CNNM2: variants seen among roughly 807,000 people sequenced by gnomAD.
CNNM2 encodes the protein cyclin and CBS domain divalent metal cation transport mediator 2, also known as metal transporter CNNM2.
A neutral mutation model predicts 66.9 loss-of-function variants in CNNM2; 12 were observed. The ratio of observed to expected loss-of-function variants is 0.18; its 90% CI spans 0.11 to 0.29. The LOEUF is 0.29. CNNM2 is among the 10% of genes least tolerant of loss of function. CNNM2 has a pLI of 1.00. For missense variants in CNNM2, 705 were observed against 1,167.7 expected, an observed-to-expected ratio of 0.60 and a Z score of 5.77; for synonymous variants, 557 against 501.8, an observed-to-expected ratio of 1.11 and a Z score of -1.47.
At chr10:103,013,296 T>G (rs1211563406) in intron 1 of CNNM2, among the ~76,000 whole-genome samples, 1 of 152,154 alleles carries the variant, frequency 6.6e-6, no homozygotes, top group African/African-American at 2.4e-5. Context: ...ATGGGATAAA[T>G]AGTCTCTTCT....
intron 5 of CNNM2, among the ~76,000 whole-genome samples, chr10:103,070,916 C>T (rs1392077182): frequency 1.3e-5 from 2 of 151,830 alleles, no homozygotes; most frequent in African/African-American, 2.4e-5. Flanking sequence ...GGTGACAGAG[C>T]GAGAATCCAT....
chr10:102,940,011 C>A (rs150722469), intron 1 of CNNM2, among the ~76,000 whole-genome samples: 13 of 128,814 alleles, frequency 1.0e-4, no homozygotes, highest in Admixed American at 7.5e-4. Context: ...AAAAAAAAAA[C>A]CGCCATGTAG....
chr10:102,984,112 T>G (rs2063760275), intron 1 of CNNM2, among the ~76,000 whole-genome samples: 3 of 152,196 alleles, frequency 2.0e-5, no homozygotes, highest in Admixed American at 2.0e-4. Flanking sequence ...AGTAAATATT[T>G]TTTGAAAGAG....
At chr10:103,004,169 A>AT (rs2064180932) in intron 1 of CNNM2, among the ~76,000 whole-genome samples, 2 of 147,252 alleles carry the variant, frequency 1.4e-5, no homozygotes, top group Admixed American at 1.4e-4. Flanking sequence ...AGCCTGGCTA[A>AT]TTTTTTTGTA....
intron 1 of CNNM2, among the ~76,000 whole-genome samples, chr10:103,020,890 T>A (rs898341499): frequency 6.6e-6 from 1 of 152,086 alleles, no homozygotes; most frequent in Admixed American, 6.5e-5. Context: ...AGGTATTGGC[T>A]GGAGAGGGGA....
chr10:102,995,856 C>G (rs1280514804), intron 1 of CNNM2, among the ~76,000 whole-genome samples: 4 of 151,904 alleles, frequency 2.6e-5, no homozygotes, highest in Non-Finnish European at 5.9e-5. Flanking sequence ...ATGCACCACT[C>G]CCCCCAGCTA....
intron 5 of CNNM2, among the ~76,000 whole-genome samples, chr10:103,070,390 T>G (rs911962943): frequency 1.3e-5 from 2 of 152,122 alleles, no homozygotes; most frequent in Non-Finnish European, 2.9e-5. Context: ...ATTAGAAGAC[T>G]AGGATGCAGT....
chr10:102,941,270 T>G lies in CNNM2; in HGVS notation c.1621+21169T>G, dbSNP rs191266770. On this transcript the variant is annotated intron_variant, in intron 1 of 7. Transcript: ENST00000369878. ...GATATTGTCTTTATTTTATTTTTTA[T>G]TTTATAAAAAATTACGTAGTAGAGA... Among the ~76,000 whole-genome samples the G allele has an allele frequency of 4.3e-3, 544 of 125,666 alleles. 4 individuals are homozygous for G. The highest frequency in any genetic ancestry group is 0.015 in the African/African-American group (530 of 35,526). 82.4% of individuals were successfully genotyped at this position (125,666 alleles called of 152,430 possible).
rs3897401 is a variant in CNNM2 at position 102,936,622 on chromosome 10, T to C, written c.1621+16521T>C. Among the ~76,000 whole-genome samples the C allele has an allele frequency of 0.31, 47,410 of 151,736 alleles. 7,521 individuals are homozygous for C. The highest frequency in any genetic ancestry group is 0.37 in the Middle Eastern group (109 of 294). On this transcript the variant is annotated intron_variant, in intron 1 of 7. Coordinates refer to ENST00000369878, the MANE Select transcript of CNNM2 (RefSeq NM_017649.5). ...ATTGGCTAAAATACTCTTTTAATCA[T>C]ATTTTGTGGACCATCTTCTGCTTAG...
At chr10:102,998,232 T>C (rs1171577552) in intron 1 of CNNM2, among the ~76,000 whole-genome samples, 2 of 152,240 alleles carry the variant, frequency 1.3e-5, no homozygotes, top group African/African-American at 4.8e-5. Flanking sequence ...TGCATACTTC[T>C]ATTTGCAGAG....
chr10:103,044,057 A>C (rs1027557620), intron 1 of CNNM2, among the ~76,000 whole-genome samples: 2 of 152,196 alleles, frequency 1.3e-5, no homozygotes, highest in Non-Finnish European at 2.9e-5. Flanking sequence ...AAGTTTATTT[A>C]GTCTATGCAT....
intron 1 of CNNM2, among the ~76,000 whole-genome samples, chr10:102,941,132 A>G (rs1458702174): frequency 6.6e-6 from 1 of 152,132 alleles, no homozygotes; most frequent in Non-Finnish European, 1.5e-5. Context: ...AACTTCCAAG[A>G]TGGCTTTCTT....
At chr10:102,964,499 G>A (rs1445432034) in intron 1 of CNNM2, among the ~76,000 whole-genome samples, 1 of 152,132 alleles carries the variant, frequency 6.6e-6, no homozygotes, top group Non-Finnish European at 1.5e-5. Flanking sequence ...AAAGAGCTGG[G>A]GTCACACTCA....
intron 1 of CNNM2, among the ~76,000 whole-genome samples, chr10:102,979,615 T>C (rs1332305110): frequency 6.6e-6 from 1 of 152,224 alleles, no homozygotes; most frequent in Non-Finnish European, 1.5e-5. Flanking sequence ...GACTTTGTTT[T>C]TTTGTTAATT....
chr10:102,943,696 T>A (rs1305780966), intron 1 of CNNM2, among the ~76,000 whole-genome samples: 4 of 152,244 alleles, frequency 2.6e-5, no homozygotes, highest in Non-Finnish European at 5.9e-5. Flanking sequence ...CCCTTGTTTT[T>A]ATTTTCTGTC....
At chr10:103,075,958 G>A (rs910723743) in intron 6 of CNNM2, 128 bp from the exon 7 acceptor site, 18 of 855,532 alleles carry the variant, frequency 2.1e-5, no homozygotes, top group Middle Eastern at 2.3e-4. Flanking sequence ...CATACTGTGC[G>A]GCCGAGACAT....
intron 1 of CNNM2, among the ~76,000 whole-genome samples, chr10:102,989,409 TAA>T (rs1225374454): frequency 3.3e-5 from 5 of 152,180 alleles, no homozygotes; most frequent in Middle Eastern, 3.4e-3. Context: ...CTTCAACAAA[TAA>T]AGTTTTATTT....
chr10:103,010,862 C>T (rs904969623), intron 1 of CNNM2, among the ~76,000 whole-genome samples: 1 of 152,136 alleles, frequency 6.6e-6, no homozygotes, highest in African/African-American at 2.4e-5. Context: ...ATCCACTCCC[C>T]CCAGCCTCCC....
At chr10:102,984,441 TTC>T (rs550934904) in intron 1 of CNNM2, among the ~76,000 whole-genome samples, 491 of 152,274 alleles carry the variant, frequency 3.2e-3, no homozygotes, top group Middle Eastern at 0.01. Context: ...CAGAAATAAT[TTC>T]TTAGTCCCAG....
Sources: gnomAD v4.1 joint callset for allele counts (sites outside exome capture counted in the v4.1 genomes callset) on GRCh38, gnomAD v4.1.1 for gene constraint, MANE v1.5 for transcripts, NCBI Gene and HGNC (gene_info 2026-07-23, HGNC 2026-07-21) for gene names.